NSD1: variants seen among roughly 807,000 people sequenced by gnomAD.
The protein encoded by NSD1 is nuclear receptor binding SET domain protein 1, also known as histone-lysine N-methyltransferase, H3 lysine-36 specific.
In NSD1, 26 loss-of-function variants were observed where a neutral mutation model predicts 242.7. That is an observed-to-expected ratio of 0.11 (90% CI 0.08 to 0.15). The LOEUF (loss-of-function observed/expected upper bound fraction) is 0.15, where lower values mean the gene tolerates loss of function less well. NSD1 is among the 10% of genes least tolerant of loss of function. NSD1 has a pLI of 1.00. For synonymous variants in NSD1, 1,106 were observed against 1,178.1 expected, an observed-to-expected ratio of 0.94 and a Z score of 1.25; for missense variants, 2,495 against 3,272.8, an observed-to-expected ratio of 0.76 and a Z score of 5.80.
chr5:177,149,808 ACCT>A (rs1343390966), intron 2 of NSD1, among the ~76,000 whole-genome samples: 2 of 151,814 alleles, frequency 1.3e-5, no homozygotes, highest in Admixed American at 1.3e-4. Context: ...TCTGCTGTTC[ACCT>A]CCTGCTATGC....
intron 14 of NSD1, among the ~76,000 whole-genome samples, chr5:177,262,858 C>T (rs1023489956): frequency 1.3e-5 from 2 of 152,202 alleles, no homozygotes; most frequent in African/African-American, 4.8e-5. Context: ...AGGTGTGGGA[C>T]AGAAAGTCAT....
chr5:177,271,692 G>C (rs766437303), intron 16 of NSD1, among the ~76,000 whole-genome samples: 8 of 152,212 alleles, frequency 5.3e-5, no homozygotes, highest in Non-Finnish European at 1.0e-4. Flanking sequence ...GGTTGGGGGA[G>C]TGTTGGGCTA....
chr5:177,154,831 G>A (rs1003714289), intron 2 of NSD1, among the ~76,000 whole-genome samples: 2 of 151,898 alleles, frequency 1.3e-5, no homozygotes, highest in Non-Finnish European at 2.9e-5. Flanking sequence ...GAGTAGCTGG[G>A]ATTACAGTCG....
intron 2 of NSD1, among the ~76,000 whole-genome samples, chr5:177,179,485 G>A (rs1760480338): frequency 6.6e-6 from 1 of 152,206 alleles, no homozygotes; most frequent in African/African-American, 2.4e-5. Flanking sequence ...AAAGTGCTGG[G>A]ATTATAGGCG....
At chr5:177,286,609 C>CT (rs1029750705) in intron 20 of NSD1, among the ~76,000 whole-genome samples, 1 of 152,216 alleles carries the variant, frequency 6.6e-6, no homozygotes, top group African/African-American at 2.4e-5. Context: ...TCACACCTCT[C>CT]TCATTCTTTT....
intron 2 of NSD1, among the ~76,000 whole-genome samples, chr5:177,161,538 G>A (rs1758748745): frequency 6.6e-6 from 1 of 151,906 alleles, no homozygotes; most frequent in Admixed American, 6.6e-5. Flanking sequence ...TGCCCAGGCT[G>A]GGTCTCAAAC....
chr5:177,163,317 AT>A (rs1271983243), intron 2 of NSD1, among the ~76,000 whole-genome samples: 2 of 151,616 alleles, frequency 1.3e-5, no homozygotes, highest in Non-Finnish European at 1.5e-5. Flanking sequence ...TAATTTTTGT[AT>A]TTTTAGTAGA....
At chr5:177,195,939 A>G (rs1374801894) in intron 3 of NSD1, among the ~76,000 whole-genome samples, 2 of 152,188 alleles carry the variant, frequency 1.3e-5, no homozygotes, top group Non-Finnish European at 2.9e-5. Flanking sequence ...AAGGGACAAG[A>G]CACCAGAAAA....
At chr5:177,132,547 G>A (rs1212030895), upstream of NSD1, among the ~76,000 whole-genome samples, 1 of 151,874 alleles carries the variant, frequency 6.6e-6, no homozygotes, top group Non-Finnish European at 1.5e-5. This position sits in a 1 kb window ranked among gnomAD's most constrained non-coding sequence, Gnocchi z 7.5. Flanking sequence ...CGGGGGTGGT[G>A]AGGGAGCTTC....
At chr5:177,184,890 G>A (rs140481129) in intron 2 of NSD1, among the ~76,000 whole-genome samples, 55 of 152,210 alleles carry the variant, frequency 3.6e-4, no homozygotes, top group African/African-American at 1.2e-3. Context: ...ATTTGATGAC[G>A]TTATTCTTAA....
chr5:177,187,395 G>A (rs770386860), intron 2 of NSD1, among the ~76,000 whole-genome samples: 7 of 152,118 alleles, frequency 4.6e-5, no homozygotes, highest in Middle Eastern at 3.4e-3. Flanking sequence ...ATGAGCCACC[G>A]CACCCAGCCT....
chr5:177,284,272 C>G (rs1008571600), intron 20 of NSD1, among the ~76,000 whole-genome samples: 1 of 152,128 alleles, frequency 6.6e-6, no homozygotes, highest in Admixed American at 6.5e-5. Context: ...TCATTTCATT[C>G]ATTCATTGAT....
intron 3 of NSD1, among the ~76,000 whole-genome samples, chr5:177,193,688 A>G (rs1391418354): frequency 6.6e-6 from 1 of 152,290 alleles, no homozygotes; most frequent in East Asian, 1.9e-4. Flanking sequence ...GATTCAGAAA[A>G]ATCAGCTTAC....
chr5:177,255,422 G>C (rs1279460535), intron 12 of NSD1, among the ~76,000 whole-genome samples: 2 of 152,106 alleles, frequency 1.3e-5, no homozygotes. Context: ...AGTGTTTATA[G>C]ATAAAATGGA....
chr5:177,267,851 T>G (rs1757622944), intron 15 of NSD1, 133 bp downstream of exon 15: 2 of 905,380 alleles, frequency 2.2e-6, no homozygotes, highest in Non-Finnish European at 1.8e-6. Context: ...TTCTTGATTT[T>G]TTTCCTTATA....
At position 177,169,037 on chromosome 5, in the gene NSD1, G is replaced by A. The variant is rs143799373; in HGVS notation, c.928-22847G>A. On this transcript the variant is annotated intron_variant, in intron 2 of 22. Transcript: ENST00000439151. Reference sequence around the variant, plus strand: ...TGGGCCCTTTTAGTTGACCAATGCCGGCTGCAGGCACTGCAGTTTTCCTTG... The same window carrying A: ...TGGGCCCTTTTAGTTGACCAATGCCAGCTGCAGGCACTGCAGTTTTCCTTG... Among the ~76,000 whole-genome samples the A allele has an allele frequency of 4.6e-5, 7 of 152,272 alleles. No individual in the cohort carries two copies. The East Asian group carries it at 1.2e-3, about 25-fold the overall frequency.
intron 2 of NSD1, among the ~76,000 whole-genome samples, chr5:177,168,708 G>A (rs1380082303): frequency 6.6e-6 from 1 of 152,096 alleles, no homozygotes; most frequent in Non-Finnish European, 1.5e-5. Context: ...TGATCCACCT[G>A]CCTTGGCCTC....
chr5:177,251,811 G>A lies in NSD1; in HGVS notation c.4723G>A (p.Glu1575Lys). The A allele has an allele frequency of 6.2e-7, 1 of 1,614,198 alleles. No individual in the cohort carries two copies. Among genetic ancestry groups the A allele is most frequent in the Non-Finnish European group, 8.5e-7 (1 of 1,180,020 alleles). ...CCACCTGGAGTGCCTTGGATTGACT[G>A]AGATGCCAAGAGGAAAATTTATCTG... is the stretch of plus-strand genomic sequence containing the variant. ...AFHLECLGLT[E>K]MPRGKFICNE... The change falls in exon 12 of 23, where the codon GAG becomes AAG. Residue 1575 changes from glutamate (E) to lysine (K), a missense_variant. Physicochemically the swap from Glu to Lys is moderately conservative, Grantham distance 56. Transcript: ENST00000439151.
intron 5 of NSD1, among the ~76,000 whole-genome samples, chr5:177,224,536 C>T (rs142283769): frequency 3.3e-5 from 5 of 151,694 alleles, no homozygotes; most frequent in East Asian, 3.9e-4. Context: ...ATTATTTTAT[C>T]GTGCAACTTT....
Sources: allele counts gnomAD v4.1 joint callset (sites outside exome capture counted in the v4.1 genomes callset), GRCh38; gene constraint gnomAD v4.1.1; non-coding constraint Gnocchi (gnomAD v3.1); transcripts MANE v1.5; gene names NCBI Gene and HGNC (gene_info 2026-07-23, HGNC 2026-07-21).